The following ZMAT1 variants were observed in gnomAD, a reference collection of about 807,000 sequenced individuals.
ZMAT1 encodes the protein zinc finger matrin-type 1.
ZMAT1 carries 11 observed loss-of-function variants against 18.5 expected under a neutral mutation model. The observed-to-expected ratio is 0.59, with a 90% CI of 0.37 to 0.98. The LOEUF is 0.98. Among genes scored for constraint, ZMAT1 ranks in the 50% least tolerant of loss-of-function variants. ZMAT1 has a pLI of 0.01. For synonymous variants in ZMAT1, 211 were observed against 176.4 expected (o/e 1.20, Z -1.55); for missense variants, 525 against 496.2 (o/e 1.06, Z -0.55).
intron 1 of ZMAT1, chrX:101,918,445 T>TATACACACACACACAC (rs778870682): frequency 4.8e-5 from 4 of 83,221 alleles, no homozygotes; most frequent in African/African-American, 9.3e-5. Flanking sequence ...TCTACTAAAA[T>TATACACACACACACAC]ACACACACAC....
intron 2 of ZMAT1, 101 bp from the exon 3 acceptor site, chrX:101,898,321 T>C (rs776492946): frequency 1.4e-6 from 1 of 696,289 alleles, no homozygotes; most frequent in East Asian, 3.5e-5. Context: ...TGTTAATATA[T>C]TTAGTCAAAC....
chrX:101,904,194 T>C (rs1224291876), intron 2 of ZMAT1, 30 bp downstream of exon 2: 1 of 1,089,398 alleles, frequency 9.2e-7, no homozygotes. Context: ...AAACCTGCTT[T>C]AGACCCTACT....
chrX:101,925,364 T>A (rs1394966400), intron 1 of ZMAT1, among the ~76,000 whole-genome samples: 3 of 112,493 alleles, frequency 2.7e-5, no homozygotes, highest in Non-Finnish European at 3.8e-5. Flanking sequence ...TACCTCTTCA[T>A]TTCCCTCTTA....
chrX:101,890,123 G>A (rs1343489581), intron 4 of ZMAT1: 2 of 111,443 alleles, frequency 1.8e-5, no homozygotes, highest in African/African-American at 3.3e-5. Flanking sequence ...GTGCAACTTG[G>A]CAAGTGACTG....
rs777607161 is a variant in ZMAT1 at position 101,897,916 on chromosome X, T to C, written c.628A>G (p.Met210Val). ...KVHAKKLKQL[M>V]EEHDQASPSG... ...GGAGATGCCTGATCATGTTCCTCCATTAATTGCTTCAGTTTTTTAGCATGG... is the reference window on the plus strand; with the variant it reads ...GGAGATGCCTGATCATGTTCCTCCACTAATTGCTTCAGTTTTTTAGCATGG... The change falls in exon 4 of 6, where the codon ATG (methionine) becomes GTG (valine). Residue 210 changes from methionine to valine, a missense_variant. By Grantham distance (21) the Met-to-Val change is conservative (BLOSUM62 1). Coordinates refer to ENST00000651725, the MANE Select transcript of ZMAT1 (RefSeq NM_001394560.1). 4.1e-6 allele frequency: 5 copies of C among 1,211,667 alleles called. No homozygotes were observed. The East Asian group carries it at 1.2e-4, about 29-fold the overall frequency.
At chrX:101,918,445 TACAC>T (rs61351078) in intron 1 of ZMAT1, 22,496 of 82,992 alleles carry the variant, frequency 0.27, 2,797 homozygotes, top group East Asian at 0.78. Flanking sequence ...TCTACTAAAA[TACAC>T]ACACACACAC....
chrX:101,900,687 C>A (rs996262914), intron 2 of ZMAT1, among the ~76,000 whole-genome samples: 6 of 111,958 alleles, frequency 5.4e-5, no homozygotes, highest in Non-Finnish European at 1.1e-4. Context: ...CAGTACCATT[C>A]TATTTTGGTG....
At chrX:101,886,939 G>T in intron 4 of ZMAT1, 1 of 330,033 alleles carries the variant, frequency 3.0e-6, no homozygotes, top group South Asian at 7.2e-5. Context: ...CCTCTTAATT[G>T]AATGCCCAGA....
At chrX:101,925,542 A>C (rs927436497) in intron 1 of ZMAT1, among the ~76,000 whole-genome samples, 2 of 112,483 alleles carry the variant, frequency 1.8e-5, no homozygotes, top group African/African-American at 6.5e-5. Flanking sequence ...AGCCTTCAGC[A>C]AATTATGTAA....
At chrX:101,898,072 T>C (rs975245036) in intron 3 of ZMAT1, 30 bp from the exon 4 acceptor site, 3 of 1,209,458 alleles carry the variant, frequency 2.5e-6, no homozygotes, top group East Asian at 3.0e-5. Flanking sequence ...GTTAGAAAGA[T>C]TCAATAACTC....
chrX:101,928,070 G>A (rs937265262), intron 1 of ZMAT1, among the ~76,000 whole-genome samples: 11 of 111,994 alleles, frequency 9.8e-5, no homozygotes, highest in Non-Finnish European at 2.1e-4. Context: ...GCTTCACTGT[G>A]CCTGTAGTAT....
At chrX:101,920,856 T>C (rs1197742924) in intron 1 of ZMAT1, among the ~76,000 whole-genome samples, 1 of 111,593 alleles carries the variant, frequency 9.0e-6, no homozygotes, top group East Asian at 2.8e-4. Context: ...GTGATTCTTA[T>C]GATCAGTTCG....
intron 2 of ZMAT1, among the ~76,000 whole-genome samples, chrX:101,899,269 ACT>A (rs1234950193): frequency 9.0e-6 from 1 of 110,964 alleles, no homozygotes; most frequent in Non-Finnish European, 1.9e-5. Context: ...TGAGATAATC[ACT>A]CTCTCTACAG....
At chrX:101,897,680 C>A (rs1927922634) in intron 4 of ZMAT1, among the ~76,000 whole-genome samples, 188 bp downstream of exon 4, 1 of 110,739 alleles carries the variant, frequency 9.0e-6, no homozygotes, top group African/African-American at 3.3e-5. Flanking sequence ...TCTTAAAAAT[C>A]AACTAGCAAT....
intron 2 of ZMAT1, 40 bp from the exon 3 acceptor site, chrX:101,898,260 A>G: frequency 9.0e-7 from 1 of 1,112,589 alleles, no homozygotes; most frequent in Non-Finnish European, 1.2e-6. Context: ...ATTCAATAAA[A>G]GAGTCATTCA....
At chrX:101,921,365 T>C (rs373446659) in intron 1 of ZMAT1, among the ~76,000 whole-genome samples, 4 of 112,387 alleles carry the variant, frequency 3.6e-5, no homozygotes, top group African/African-American at 1.3e-4. Context: ...AAAATGACAA[T>C]CCTTCAATAT....
chrX:101,905,973 G>A (rs772805729), intron 1 of ZMAT1, among the ~76,000 whole-genome samples: 30 of 110,781 alleles, frequency 2.7e-4, no homozygotes, highest in African/African-American at 8.9e-4. Context: ...AAGAAGGTAG[G>A]AAAGAGAGTT....
intron 2 of ZMAT1, among the ~76,000 whole-genome samples, chrX:101,900,848 G>A (rs184766172): frequency 9.0e-6 from 1 of 111,422 alleles, no homozygotes; most frequent in East Asian, 2.8e-4. Flanking sequence ...GAATGATGGT[G>A]GTATTTTGAT....
At position 101,884,791 on chromosome X, in the gene ZMAT1, A is replaced by T; in HGVS notation, c.807T>A (p.Asn269Lys). 1 of 1,191,747 alleles carries T rather than the reference A, an allele frequency of 8.4e-7. No homozygotes were observed. The highest frequency in any genetic ancestry group is 1.1e-6 in the Non-Finnish European group (1 of 878,250). ...GGTAAGAGTCTTGTGTCTTCCTTGA[A>T]TTCTTCACTAGATTGATAACAATGG... ...KESIVINLVK[N>K]SRKTQDSYQN... is the part of the protein sequence containing the mutation. The change falls in exon 6 of 6, where the codon AAT becomes AAA. Residue 269 changes from asparagine (N) to lysine (K), a missense_variant. Coordinates refer to ENST00000651725, the MANE Select transcript of ZMAT1 (RefSeq NM_001394560.1).
Sources: gnomAD v4.1 joint callset for allele counts (sites outside exome capture counted in the v4.1 genomes callset) on GRCh38, gnomAD v4.1.1 for gene constraint, MANE v1.5 for transcripts, NCBI Gene and HGNC (gene_info 2026-07-23, HGNC 2026-07-21) for gene names.